Variants in ACTN1 observed in about 807,000 individuals in gnomAD.
The protein encoded by ACTN1 is actinin alpha 1.
A neutral mutation model predicts 119.6 loss-of-function variants in ACTN1; 30 were observed. The ratio of observed to expected loss-of-function variants is 0.25; its 90% confidence interval spans 0.19 to 0.34. The LOEUF (loss-of-function observed/expected upper bound fraction) is 0.34. ACTN1 is among the 10% of genes least tolerant of loss of function. The pLI, the probability that ACTN1 is intolerant of heterozygous loss-of-function variation, is 1.00. For synonymous variants in ACTN1, 429 were observed against 472.6 expected (o/e 0.91, Z 1.20); for missense variants, 764 against 1,223.4 (o/e 0.62, Z 5.60).
rs1252475967 is a variant in ACTN1 at position 68,874,886 on chromosome 14, C to T, written c.2718G>A (p.Thr906=). The T allele has an allele frequency of 2.1e-5, 33 of 1,602,328 alleles. No individual in the cohort carries two copies. The highest frequency in any genetic ancestry group is 2.6e-5 in the Non-Finnish European group (31 of 1,171,020). ...PGALDYMSFS[T]ALYGESDL is the part of the protein sequence containing the mutation. ...AGAGGTCACTCTCGCCGTACAGCGC[C>T]GTGGAGAAGGACATGTAGTCCAGAG... Residue 906 remains threonine, a synonymous_variant, in exon 22 of 22, where the codon ACG becomes ACA. Transcript: ENST00000394419.
At chr14:68,875,097 G>C (rs756604906) in intron 21 of ACTN1, 80 bp from the exon 22 acceptor site, 47 of 1,586,030 alleles carry the variant, frequency 3.0e-5, no homozygotes, top group Non-Finnish European at 3.9e-5. Context: ...CGCAAAGCCT[G>C]GCGGCGTGAA....
chr14:68,907,194 G>A (rs1409065464), intron 6 of ACTN1, among the ~76,000 whole-genome samples: 8 of 150,310 alleles, frequency 5.3e-5, no homozygotes, highest in Admixed American at 3.3e-4. Context: ...CCTGGGAGGC[G>A]GAGGTTGCAG....
chr14:68,874,533 A>G lies in ACTN1; in HGVS notation c.*326T>C, dbSNP rs1295913196. 9.4e-6 allele frequency: 2 copies of G among 211,778 alleles called. No individual in the cohort carries two copies. The highest frequency in any genetic ancestry group is 4.6e-5 in the African/African-American group (2 of 43,774). 13.1% of individuals were successfully genotyped at this position (211,778 alleles called of 1,614,324 possible). A position where few individuals can be genotyped will look rare whatever the true frequency, so the allele number is the denominator to read the frequency against. On this transcript the variant is annotated 3_prime_UTR_variant, in exon 22 of 22. Coordinates refer to ENST00000394419, the MANE Select transcript of ACTN1 (RefSeq NM_001130004.2). ...ATGGAATATAACTTTGTGCTTGGTT[A>G]TTTTCCTATGTCGCAACAAAACAAG... is the stretch of plus-strand genomic sequence containing the variant.
chr14:68,922,626 C>T (rs1362475692), intron 2 of ACTN1, among the ~76,000 whole-genome samples: 2 of 152,156 alleles, frequency 1.3e-5, no homozygotes, highest in Admixed American at 6.5e-5. Context: ...TGGAAGGGGG[C>T]TTCTGCAAAG....
chr14:68,940,089 C>T (rs573417955), intron 1 of ACTN1, among the ~76,000 whole-genome samples: 58 of 152,350 alleles, frequency 3.8e-4, no homozygotes, highest in African/African-American at 1.3e-3. Context: ...CCTCCCCGGT[C>T]CTCCGGGGTT....
intron 1 of ACTN1, among the ~76,000 whole-genome samples, chr14:68,930,630 ACT>A (rs1276261152): frequency 6.6e-6 from 1 of 152,094 alleles, no homozygotes; most frequent in Non-Finnish European, 1.5e-5. Flanking sequence ...GGATTTAGTC[ACT>A]CTAAAGAAGA....
In ACTN1 at chr14:68,882,745, A is replaced by C. The variant is rs1387221309; in HGVS notation, c.1818+128T>G. Reference sequence around the variant, plus strand: ...TGTTCTGGAAACCCAGTCATTTGACATTTGGACAAACAATGAGTGTTTACT... The same window carrying C: ...TGTTCTGGAAACCCAGTCATTTGACCTTTGGACAAACAATGAGTGTTTACT... On this transcript the variant is annotated intron_variant, in intron 15 of 21. Transcript: ENST00000394419. This position sits in a 1 kb window ranked among gnomAD's most constrained non-coding sequence, Gnocchi z 4.5. 6.6e-7 allele frequency: 1 copy of C among 1,507,816 alleles called. No homozygotes were observed. The highest frequency in any genetic ancestry group is 9.0e-7 in the Non-Finnish European group (1 of 1,109,490). 93.4% of individuals were successfully genotyped at this position (1,507,816 alleles called of 1,614,324 possible).
chr14:68,965,917 CCTTT>C, intron 1 of ACTN1, among the ~76,000 whole-genome samples: 1 of 152,296 alleles, frequency 6.6e-6, no homozygotes, highest in East Asian at 1.9e-4. Context: ...TGCAAGGTCA[CCTTT>C]AGAAGTGCCT....
At chr14:68,924,761 A>G (rs72733529) in intron 2 of ACTN1, among the ~76,000 whole-genome samples, 3,525 of 152,394 alleles carry the variant, frequency 0.023, 61 homozygotes, top group Non-Finnish European at 0.036. Context: ...ACTGAGAAGA[A>G]GGAATCAGAA....
At chr14:68,919,939 G>C (rs1000357881) in intron 3 of ACTN1, among the ~76,000 whole-genome samples, 1 of 152,194 alleles carries the variant, frequency 6.6e-6, no homozygotes, top group Non-Finnish European at 1.5e-5. Flanking sequence ...TTCTCCATTT[G>C]ATAAATATCC....
At position 68,878,383 on chromosome 14, in the gene ACTN1, A is replaced by C. The variant is rs1594748256; in HGVS notation, c.2427+75T>G. ...CTAGCCTGAGGGCCTCCAGCCTGCC[A>C]CTCCTGGGACTTGGCTGCTCCCGCC... On this transcript the variant is annotated intron_variant, in intron 20 of 21. Transcript: ENST00000394419. The surrounding 1 kb of genome is among the most constrained non-coding windows in gnomAD (Gnocchi z 4.4). The C allele has an allele frequency of 6.7e-7, 1 of 1,503,390 alleles. No homozygotes were observed. Among genetic ancestry groups the C allele is most frequent in the Non-Finnish European group, 8.9e-7 (1 of 1,128,624 alleles). The allele number at this position is 1,503,390 out of a possible 1,614,324, so 93.1% of individuals were successfully genotyped here.
At chr14:68,951,441 A>G (rs1594863919) in intron 1 of ACTN1, among the ~76,000 whole-genome samples, 2 of 152,296 alleles carry the variant, frequency 1.3e-5, no homozygotes, top group East Asian at 3.9e-4. Context: ...GGCACAATGG[A>G]CAAGACAGGG....
chr14:68,978,230 C>A (rs955701100), intron 1 of ACTN1: 1 of 456,196 alleles, frequency 2.2e-6, no homozygotes, highest in Non-Finnish European at 4.4e-6. Flanking sequence ...TCCCGGGGGT[C>A]GGAGGGGCAG....
At position 68,879,215 on chromosome 14, in the gene ACTN1, G is replaced by T; in HGVS notation, c.2281-146C>A. 2.4e-6 allele frequency: 1 copy of T among 424,078 alleles called. No individual in the cohort carries two copies. The highest frequency in any genetic ancestry group is 4.3e-6 in the Non-Finnish European group (1 of 230,870). 26.3% of individuals were successfully genotyped at this position (424,078 alleles called of 1,614,324 possible). Reference sequence around the variant, plus strand: ...GAGGGTGGGGGGGCGGGGGAGGAGGGGAAATAAAAGTGCACACGGTTAGAC... The same window carrying T: ...GAGGGTGGGGGGGCGGGGGAGGAGGTGAAATAAAAGTGCACACGGTTAGAC... On this transcript the variant is annotated intron_variant, in intron 18 of 21. Coordinates refer to ENST00000394419, the MANE Select transcript of ACTN1 (RefSeq NM_001130004.2). This position sits in a 1 kb window ranked among gnomAD's most constrained non-coding sequence, Gnocchi z 4.9.
intron 11 of ACTN1, among the ~76,000 whole-genome samples, chr14:68,888,867 T>C (rs138351607): frequency 2.9e-3 from 435 of 152,274 alleles, no homozygotes; most frequent in Middle Eastern, 6.8e-3. Flanking sequence ...TCCTCCCCAC[T>C]GCATGGAAAA....
At chr14:68,881,168 T>G in intron 16 of ACTN1, 179 bp from the exon 17 acceptor site, 1 of 594,440 alleles carries the variant, frequency 1.7e-6, no homozygotes, top group Non-Finnish European at 3.0e-6. Flanking sequence ...CTCTTAGGTA[T>G]GGAAACAGCA....
intron 3 of ACTN1, among the ~76,000 whole-genome samples, chr14:68,920,408 C>T (rs548605888): frequency 2.6e-5 from 4 of 152,120 alleles, no homozygotes; most frequent in Admixed American, 2.6e-4. Flanking sequence ...TCTAAACAAC[C>T]CACTCTCAAT....
chr14:68,916,956 C>T (rs2034330799), intron 3 of ACTN1, among the ~76,000 whole-genome samples: 1 of 152,092 alleles, frequency 6.6e-6, no homozygotes, highest in African/African-American at 2.4e-5. Context: ...CCTCCCAGAC[C>T]AATGCTGTGG....
Position 68,882,676 on chromosome 14 carries a change from G to T in ACTN1, c.1819-84C>A. On this transcript the variant is annotated intron_variant, in intron 15 of 21. Coordinates refer to ENST00000394419, the MANE Select transcript of ACTN1 (RefSeq NM_001130004.2). The surrounding 1 kb of genome is among the most constrained non-coding windows in gnomAD (Gnocchi z 4.5). ...GATGAGGAAATGGAGGACCCAGAAG[G>T]GGAAGGGCCGGTCAGTAACAGAACA... 1 of 1,584,058 alleles carries T rather than the reference G, an allele frequency of 6.3e-7. No homozygotes were observed. The highest frequency in any genetic ancestry group is 1.1e-5 in the South Asian group (1 of 87,884).
Sources: allele counts gnomAD v4.1 joint callset (sites outside exome capture counted in the v4.1 genomes callset), GRCh38; gene constraint gnomAD v4.1.1; non-coding constraint Gnocchi (gnomAD v3.1); transcripts MANE v1.5; gene names NCBI Gene and HGNC (gene_info 2026-07-23, HGNC 2026-07-21).